Variants in APBB2 observed in about 807,000 individuals in gnomAD.
APBB2 encodes amyloid beta precursor protein binding family B member 2, also known as Fe65-like 1.
Under a neutral mutation model 82.5 loss-of-function variants are expected in APBB2, and 38 were observed. The ratio of observed to expected loss-of-function variants is 0.46; its 90% CI spans 0.36 to 0.60. APBB2 has a LOEUF of 0.60. Ranked by LOEUF, APBB2 falls within the 20% of genes least tolerant of loss-of-function variation. The pLI, the probability that APBB2 is intolerant of heterozygous loss-of-function variation, is 0.00. For missense variants in APBB2, 772 were observed against 972.3 expected, an observed-to-expected ratio of 0.79 and a Z score of 2.74; for synonymous variants, 341 against 368.2, an observed-to-expected ratio of 0.93 and a Z score of 0.85.
At position 41,026,832 on chromosome 4, in the gene APBB2, C is replaced by T. The variant is rs185287859; in HGVS notation, c.19+6404G>A. On this transcript the variant is annotated intron_variant, in intron 5 of 17. Transcript: ENST00000508593. Reference sequence around the variant, plus strand: ...ATGTAAAACTGACCCAATAGTCCTACAGATAGCTTTTTTTGATAAACATAG... The same window carrying T: ...ATGTAAAACTGACCCAATAGTCCTATAGATAGCTTTTTTTGATAAACATAG... Among the ~76,000 whole-genome samples the T allele has an allele frequency of 4.5e-4, 69 of 152,300 alleles. 1 individual carries two copies. The highest frequency in any genetic ancestry group is 4.4e-3 in the Admixed American group (68 of 15,292).
intron 12 of APBB2, among the ~76,000 whole-genome samples, chr4:40,838,108 T>C (rs540571932): frequency 2.8e-4 from 42 of 151,012 alleles, no homozygotes; most frequent in African/African-American, 8.2e-4. Flanking sequence ...CTTTATGGAA[T>C]GAATAAATGA....
intron 17 of APBB2, among the ~76,000 whole-genome samples, chr4:40,819,361 T>C (rs1337614167): frequency 1.3e-5 from 2 of 151,706 alleles, no homozygotes; most frequent in South Asian, 2.1e-4. Context: ...AATTTTTGTA[T>C]TTTTTGGTAG....
In APBB2 at chr4:41,184,420, G is replaced by T. The variant is rs533353526; in HGVS notation, c.-417+29985C>A. On this transcript the variant is annotated intron_variant, in intron 1 of 17. Coordinates refer to ENST00000508593, the MANE Select transcript of APBB2 (RefSeq NM_004307.2). ...TGCTCATACCCTAGCTCACACACTGGCCCCCTTATTGTTCCTCCAACAGGC... is the reference window on the plus strand; with the variant it reads ...TGCTCATACCCTAGCTCACACACTGTCCCCCTTATTGTTCCTCCAACAGGC... Among the ~76,000 whole-genome samples the T allele has an allele frequency of 6.6e-5, 10 of 152,214 alleles. No individual in the cohort carries two copies. The South Asian group carries it at 2.1e-3, about 32-fold the overall frequency.
At chr4:40,937,266 A>T (rs1176209910) in intron 7 of APBB2, among the ~76,000 whole-genome samples, 2 of 152,246 alleles carry the variant, frequency 1.3e-5, no homozygotes, top group African/African-American at 4.8e-5. Context: ...TTCAGAAATT[A>T]TCCCCAAGGG....
At chr4:40,900,304 C>T (rs9991281) in intron 10 of APBB2, among the ~76,000 whole-genome samples, 5,859 of 152,158 alleles carry the variant, frequency 0.039, 370 homozygotes, top group African/African-American at 0.13. Context: ...TGTAGATACA[C>T]CTGAGTTACC....
At chr4:41,057,494 T>C (rs1356732154) in intron 4 of APBB2, among the ~76,000 whole-genome samples, 1 of 152,216 alleles carries the variant, frequency 6.6e-6, no homozygotes, top group African/African-American at 2.4e-5. Context: ...TATGTTGCTG[T>C]TTTCTTTTTC....
intron 6 of APBB2, among the ~76,000 whole-genome samples, chr4:40,994,973 A>C (rs1313974701): frequency 6.6e-6 from 1 of 152,044 alleles, no homozygotes; most frequent in Admixed American, 6.5e-5. Flanking sequence ...AAAAAAAAGC[A>C]ATCATTCCCT....
intron 6 of APBB2, among the ~76,000 whole-genome samples, chr4:40,952,467 A>T (rs991214562): frequency 1.3e-5 from 2 of 152,192 alleles, no homozygotes; most frequent in African/African-American, 4.8e-5. Context: ...CATAATTTTT[A>T]ATTTAAATAT....
chr4:41,005,511 T>G (rs1013529462), intron 6 of APBB2, among the ~76,000 whole-genome samples: 1 of 152,166 alleles, frequency 6.6e-6, no homozygotes, highest in South Asian at 2.1e-4. Flanking sequence ...TGTTTTTGTC[T>G]CTCTGATCCC....
chr4:41,110,414 C>T (rs1439773131), intron 2 of APBB2, among the ~76,000 whole-genome samples: 1 of 152,004 alleles, frequency 6.6e-6, no homozygotes, highest in Non-Finnish European at 1.5e-5. Flanking sequence ...ACCAGCCTGG[C>T]CAACACAGTG....
At chr4:41,160,049 A>G (rs999866918) in intron 1 of APBB2, among the ~76,000 whole-genome samples, 8 of 151,294 alleles carry the variant, frequency 5.3e-5, no homozygotes, top group African/African-American at 2.0e-4. Flanking sequence ...ACATCACAGG[A>G]TGCTGTTTTG....
At chr4:40,890,518 T>C in intron 11 of APBB2, 27 bp from the exon 12 acceptor site, 1 of 1,612,478 alleles carries the variant, frequency 6.2e-7, no homozygotes. Flanking sequence ...AAACACGCTG[T>C]CTTCTTCATG....
rs767352866 is a variant in APBB2 at position 40,944,820 on chromosome 4, GT to G, written c.1044+44del. 1.7e-5 allele frequency: 27 copies of G among 1,594,176 alleles called. No individual in the cohort carries two copies. In the African/African-American group the frequency reaches 2.8e-4, roughly 17 times the overall value. ...CAACCAGTGTAAAGAGAAACCACAA[GT>G]TACATCTATTCTACTAAGCTGGTAA... On this transcript the variant is annotated intron_variant, in intron 7 of 17. Coordinates refer to ENST00000508593, the MANE Select transcript of APBB2 (RefSeq NM_004307.2).
rs1219926942 is a variant in APBB2 at position 40,822,104 on chromosome 4, G to C, written c.1933-54C>G. The C allele has an allele frequency of 3.1e-6, 5 of 1,595,368 alleles. No individual in the cohort carries two copies. In the African/African-American group the frequency reaches 6.7e-5, roughly 21 times the overall value. ...CAGGAGATCCCAGGATCAAGCTTAA[G>C]AGTGGCAGCACATAGGAACTGGCAT... On this transcript the variant is annotated intron_variant, in intron 16 of 17. Coordinates refer to ENST00000508593, the MANE Select transcript of APBB2 (RefSeq NM_004307.2).
chr4:40,868,688 C>T (rs1031437776), intron 12 of APBB2, among the ~76,000 whole-genome samples: 16 of 152,202 alleles, frequency 1.1e-4, no homozygotes, highest in Non-Finnish European at 1.9e-4. Flanking sequence ...TAATTCCAAA[C>T]TCTGAATCAT....
intron 16 of APBB2, among the ~76,000 whole-genome samples, chr4:40,822,936 A>G (rs1466118159): frequency 6.6e-6 from 1 of 152,118 alleles, no homozygotes; most frequent in African/African-American, 2.4e-5. Context: ...ACCTACTTGA[A>G]GAGGTGAGGA....
chr4:41,181,912 C>G (rs1443462263), intron 1 of APBB2, among the ~76,000 whole-genome samples: 1 of 146,164 alleles, frequency 6.8e-6, no homozygotes, highest in Non-Finnish European at 1.5e-5. Context: ...CGCCATTGCA[C>G]CAGCCTGGGC....
At chr4:41,054,604 C>G (rs945799270) in intron 4 of APBB2, among the ~76,000 whole-genome samples, 5 of 152,148 alleles carry the variant, frequency 3.3e-5, no homozygotes, top group African/African-American at 9.7e-5. Flanking sequence ...TATAAAGTAA[C>G]TGTTTTAAAA....
intron 6 of APBB2, among the ~76,000 whole-genome samples, chr4:41,010,097 G>A (rs915466469): frequency 1.3e-5 from 2 of 152,158 alleles, no homozygotes; most frequent in African/African-American, 4.8e-5. Flanking sequence ...CAGACTCTGA[G>A]GCAATTCCAA....
Sources: gnomAD v4.1 joint callset for allele counts (sites outside exome capture counted in the v4.1 genomes callset) on GRCh38, gnomAD v4.1.1 for gene constraint, MANE v1.5 for transcripts, NCBI Gene and HGNC (gene_info 2026-07-23, HGNC 2026-07-21) for gene names.